Variants in CLPTM1L observed in about 807,000 individuals in gnomAD.
CLPTM1L encodes CLPTM1 like.
A neutral mutation model predicts 70.9 loss-of-function variants in CLPTM1L; 38 were observed. That is an observed-to-expected ratio of 0.54 (90% CI 0.41 to 0.70). The LOEUF is 0.70. Among genes scored for constraint, CLPTM1L ranks in the 30% least tolerant of loss-of-function variants. CLPTM1L has a pLI of 0.00. For synonymous variants in CLPTM1L, 339 were observed against 299.9 expected, an observed-to-expected ratio of 1.13 and a Z score of -1.35; for missense variants, 652 against 705.9, an observed-to-expected ratio of 0.92 and a Z score of 0.87.
At chr5:1,328,827 GCATCCA>G in intron 9 of CLPTM1L, among the ~76,000 whole-genome samples, 1 of 56,254 alleles carries the variant, frequency 1.8e-5, no homozygotes, top group South Asian at 5.3e-4. Context: ...CAGACACATT[GCATCCA>G]GCTCCTCCTC....
rs114049853 is a variant in CLPTM1L at position 1,318,706 on chromosome 5, C to G, written c.1533-253G>C. On this transcript the variant is annotated intron_variant, in intron 16 of 16. Transcript: ENST00000320895. This position sits in a 1 kb window ranked among gnomAD's most constrained non-coding sequence, Gnocchi z 8.9. ...CTTGGCCGAAGGGACGACCCGGAGG[C>G]TGCACGGGCTGCCATGGCTGAAGGG... 0.017 allele frequency among the ~76,000 whole-genome samples: 2,637 copies of G among 152,230 alleles called. 38 individuals are homozygous for G. The highest frequency in any genetic ancestry group is 0.024 in the Non-Finnish European group (1,643 of 68,004).
Position 1,325,685 on chromosome 5 carries a change from TGC to T in CLPTM1L, c.1146+64_1146+65del. 2.1e-6 allele frequency: 3 copies of T among 1,398,120 alleles called. No individual in the cohort carries two copies. In the African/African-American group the frequency reaches 4.3e-5, roughly 20 times the overall value. 86.6% of individuals were successfully genotyped at this position (1,398,120 alleles called of 1,614,324 possible). On this transcript the variant is annotated intron_variant, in intron 10 of 16. Coordinates refer to ENST00000320895, the MANE Select transcript of CLPTM1L (RefSeq NM_030782.5). Reference sequence around the variant, plus strand: ...ATCTGCAGATGGCCATCTTACTCTTTGCACAGGGGGCAAAATCACACTCTTCA... The same window carrying T: ...ATCTGCAGATGGCCATCTTACTCTTTACAGGGGGCAAAATCACACTCTTCA...
At chr5:1,325,933 T>C in intron 9 of CLPTM1L, 117 bp from the exon 10 acceptor site, 1 of 811,566 alleles carries the variant, frequency 1.2e-6, no homozygotes. Flanking sequence ...CAGCCCACTG[T>C]CCTCTTCCTG....
Position 1,337,079 on chromosome 5 carries a change from G to A in CLPTM1L, c.678+825C>T, listed in dbSNP as rs1579649443. Among the ~76,000 whole-genome samples, 3 of 152,312 alleles carry A rather than the reference G, an allele frequency of 2.0e-5. No individual in the cohort carries two copies. In the South Asian group the frequency reaches 6.2e-4, roughly 32 times the overall value. On this transcript the variant is annotated intron_variant, in intron 5 of 16. Transcript: ENST00000320895. ...GTGGCCGGCTCCTAGTGGGTGATCC[G>A]GAGTGACAGTGATGGCTTGCAGGGA... is the stretch of plus-strand genomic sequence containing the variant.
intron 9 of CLPTM1L, among the ~76,000 whole-genome samples, chr5:1,327,822 T>A (rs1187803168): frequency 6.7e-5 from 10 of 148,860 alleles, no homozygotes; most frequent in African/African-American, 2.5e-4. Context: ...ATCCAGCTCC[T>A]CCTCTACAGA....
rs545671671 is a variant in CLPTM1L, at chr5:1,325,871, G to A, written c.1081-55C>T. On this transcript the variant is annotated intron_variant, in intron 9 of 16. Coordinates refer to ENST00000320895, the MANE Select transcript of CLPTM1L (RefSeq NM_030782.5). ...TTAATATTCGAAGGCCAGGAGCCAC[G>A]AATGAACGACCCAGACAGTAACGGG... 8.1e-6 allele frequency: 12 copies of A among 1,489,694 alleles called. No individual in the cohort carries two copies. In the East Asian group the frequency reaches 9.0e-5, roughly 11 times the overall value. 92.3% of individuals were successfully genotyped at this position (1,489,694 alleles called of 1,614,324 possible). A position where few individuals can be genotyped will look rare whatever the true frequency, so the allele number is the denominator to read the frequency against.
rs549782485 is a variant in CLPTM1L, at chr5:1,336,166, C to T, written c.679-992G>A. On this transcript the variant is annotated intron_variant, in intron 5 of 16. Coordinates refer to ENST00000320895, the MANE Select transcript of CLPTM1L (RefSeq NM_030782.5). ...TCCAGGCACCCCTCGAGCTGCCAAGCGTGTCCGAAGGGTGTCACTGCCTCC... is the reference window on the plus strand; with the variant it reads ...TCCAGGCACCCCTCGAGCTGCCAAGTGTGTCCGAAGGGTGTCACTGCCTCC... Among the ~76,000 whole-genome samples the T allele has an allele frequency of 4.0e-4, 61 of 152,328 alleles. 1 individual carries two copies. Among genetic ancestry groups the T allele is most frequent in the Non-Finnish European group, 5.3e-4 (36 of 68,024 alleles).
chr5:1,320,442 T>C (rs1234859670), intron 16 of CLPTM1L, 174 bp downstream of exon 16: 1 of 488,956 alleles, frequency 2.0e-6, no homozygotes, highest in East Asian at 3.4e-5. Context: ...CCAGGACATA[T>C]CATGGGCAAC....
rs1405348716 is a variant in CLPTM1L, at chr5:1,322,946, C to T, written c.1281-35G>A. The T allele has an allele frequency of 5.0e-6, 8 of 1,587,906 alleles. 1 individual carries two copies. The East Asian group carries it at 6.7e-5, about 13-fold the overall frequency. On this transcript the variant is annotated intron_variant, in intron 12 of 16. Coordinates refer to ENST00000320895, the MANE Select transcript of CLPTM1L (RefSeq NM_030782.5). ...AAAAAAAAGGAGAAGTCCTATTTCT[C>T]GCATAGCTTAATATCTGTATTAAAT...
intron 7 of CLPTM1L, 40 bp from the exon 8 acceptor site, chr5:1,331,923 T>C: frequency 2.6e-6 from 4 of 1,527,528 alleles, no homozygotes; most frequent in Non-Finnish European, 3.6e-6. Flanking sequence ...CATCTCCTGC[T>C]GTTTCCATCT....
chr5:1,342,959 G>C lies in CLPTM1L; in HGVS notation c.264-1099C>G, dbSNP rs1271736051. ...TGTAATCCCAGCACCTTGGGAGGCC[G>C]AGCCGGGCAGATCACGAGGTCAGGA... On this transcript the variant is annotated intron_variant, in intron 2 of 16. Coordinates refer to ENST00000320895, the MANE Select transcript of CLPTM1L (RefSeq NM_030782.5). The surrounding 1 kb of genome is among the most constrained non-coding windows in gnomAD (Gnocchi z 4.3). Among the ~76,000 whole-genome samples the C allele has an allele frequency of 6.6e-6, 1 of 152,238 alleles. No individual in the cohort carries two copies. Among genetic ancestry groups the C allele is most frequent in the Non-Finnish European group, 1.5e-5 (1 of 68,034 alleles).
chr5:1,337,599 C>T (rs1753658807), intron 5 of CLPTM1L, among the ~76,000 whole-genome samples: 1 of 152,240 alleles, frequency 6.6e-6, no homozygotes. Flanking sequence ...ACACGGTGCT[C>T]ATGTGCCTGC....
rs1406369109 is a variant in CLPTM1L at position 1,324,826 on chromosome 5, T to C, written c.1147-13A>G. ...TGTAAGTGCCAAACTGTTGTGAAAT[T>C]CAACACAGTGATATTAATAGACTCA... is the stretch of plus-strand genomic sequence containing the variant. On this transcript the variant is annotated splice_polypyrimidine_tract_variant and intron_variant, in intron 10 of 16. Coordinates refer to ENST00000320895, the MANE Select transcript of CLPTM1L (RefSeq NM_030782.5). 2 of 1,612,318 alleles carry C rather than the reference T, an allele frequency of 1.2e-6. No individual in the cohort carries two copies. Among genetic ancestry groups the C allele is most frequent in the South Asian group, 1.1e-5 (1 of 91,044 alleles).
intron 5 of CLPTM1L, among the ~76,000 whole-genome samples, 153 bp downstream of exon 5, chr5:1,337,751 C>T (rs749183082): frequency 3.3e-5 from 5 of 152,230 alleles, no homozygotes; most frequent in Non-Finnish European, 7.3e-5. Flanking sequence ...TCACAACCCT[C>T]GCACACTCGA....
intron 4 of CLPTM1L, among the ~76,000 whole-genome samples, chr5:1,338,537 T>C (rs934781798): frequency 1.3e-5 from 2 of 152,196 alleles, no homozygotes; most frequent in African/African-American, 4.8e-5. Flanking sequence ...TTTAAGTAAA[T>C]CTAAATAAGC....
chr5:1,333,298 G>C (rs1385746488), intron 7 of CLPTM1L, among the ~76,000 whole-genome samples: 1 of 38,716 alleles, frequency 2.6e-5, no homozygotes, highest in Non-Finnish European at 5.0e-5. Flanking sequence ...GATAAGGGGA[G>C]ACTACTGTAT....
rs575698234 is a variant in CLPTM1L, at chr5:1,334,190, A to G, written c.891+99T>C. On this transcript the variant is annotated intron_variant, in intron 7 of 16. Transcript: ENST00000320895. ...GGACACTTGAGGGCCACAGGGCTGGACGGCGCCCACAAACCCCAGGTCCAG... is the reference window on the plus strand; with the variant it reads ...GGACACTTGAGGGCCACAGGGCTGGGCGGCGCCCACAAACCCCAGGTCCAG... The G allele has an allele frequency of 1.5e-4, 121 of 790,646 alleles. No individual in the cohort carries two copies. The African/African-American group carries it at 2.1e-3, about 14-fold the overall frequency. The allele number at this position is 790,646 out of a possible 1,614,324, so 49.0% of individuals were successfully genotyped here. A position where few individuals can be genotyped will look rare whatever the true frequency, so the allele number is the denominator to read the frequency against.
intron 12 of CLPTM1L, among the ~76,000 whole-genome samples, 200 bp from the exon 13 acceptor site, chr5:1,323,111 A>T (rs1438912372): frequency 6.6e-6 from 1 of 152,096 alleles, no homozygotes; most frequent in African/African-American, 2.4e-5. Flanking sequence ...CGGGCAGCAG[A>T]GGCCGGGCAC....
intron 11 of CLPTM1L, 113 bp from the exon 12 acceptor site, chr5:1,323,982 G>T: frequency 1.2e-6 from 1 of 837,170 alleles, no homozygotes; most frequent in Non-Finnish European, 2.0e-6. Context: ...CAGCGCTCAG[G>T]GTGGCAGGGC....
Sources: gnomAD v4.1 joint callset for allele counts (sites outside exome capture counted in the v4.1 genomes callset) on GRCh38, gnomAD v4.1.1 for gene constraint, Gnocchi (gnomAD v3.1) non-coding constraint, MANE v1.5 for transcripts, NCBI Gene and HGNC (gene_info 2026-07-23, HGNC 2026-07-21) for gene names.